TMEM266: variants seen among roughly 807,000 people sequenced by gnomAD.
TMEM266 encodes Hv1 related protein 1.
Under a neutral mutation model 50.5 loss-of-function variants are expected in TMEM266, and 33 were observed. The observed-to-expected ratio is 0.65, with a 90% CI of 0.50 to 0.87. The LOEUF (loss-of-function observed/expected upper bound fraction) is 0.87. Among genes scored for constraint, TMEM266 ranks in the 40% least tolerant of loss-of-function variants. The probability of loss-of-function intolerance (pLI) is 0.00; values close to 1 mark genes in which losing one functional copy is unlikely to be tolerated. For missense variants in TMEM266, 655 were observed against 695.1 expected (o/e 0.94, Z 0.65); for synonymous variants, 310 against 292.3 (o/e 1.06, Z -0.62).
At chr15:76,080,778 G>A (rs777296170) in intron 1 of TMEM266, among the ~76,000 whole-genome samples, 5 of 151,722 alleles carry the variant, frequency 3.3e-5, no homozygotes, top group African/African-American at 9.7e-5. Context: ...AGACTGTCTC[G>A]CTCTGCCACC....
At chr15:76,064,707 C>G (rs1195945095) in intron 1 of TMEM266, among the ~76,000 whole-genome samples, 1 of 152,198 alleles carries the variant, frequency 6.6e-6, no homozygotes, top group African/African-American at 2.4e-5. Context: ...GTAGCTAGGA[C>G]AGAGGCTGAT....
At position 76,115,741 on chromosome 15, in the gene TMEM266, C is replaced by T. The variant is rs7169517; in HGVS notation, c.-96-18427C>T. Reference sequence around the variant, plus strand: ...GTAGGAAGTCCTTAACTAGACAGGGCGCTTTTCGTATTTGTGGCCATCCTG... The same window carrying T: ...GTAGGAAGTCCTTAACTAGACAGGGTGCTTTTCGTATTTGTGGCCATCCTG... On this transcript the variant is annotated intron_variant, in intron 1 of 10. Coordinates refer to ENST00000388942, the MANE Select transcript of TMEM266 (RefSeq NM_152335.3). Among the ~76,000 whole-genome samples, 749 of 152,192 alleles carry T rather than the reference C, an allele frequency of 4.9e-3. 7 individuals are homozygous for T. The highest frequency in any genetic ancestry group is 0.017 in the African/African-American group (702 of 41,476).
At chr15:76,108,411 A>G (rs963663436) in intron 1 of TMEM266, among the ~76,000 whole-genome samples, 11 of 152,216 alleles carry the variant, frequency 7.2e-5, no homozygotes, top group African/African-American at 2.7e-4. Context: ...GAATTTAAAG[A>G]TCATTCATCC....
At chr15:76,072,188 C>T (rs906369833) in intron 1 of TMEM266, among the ~76,000 whole-genome samples, 2 of 151,976 alleles carry the variant, frequency 1.3e-5, no homozygotes, top group African/African-American at 4.8e-5. Flanking sequence ...CCTGTAATCC[C>T]AGCACTTTGG....
At chr15:76,163,180 C>T (rs768570336) in intron 5 of TMEM266, among the ~76,000 whole-genome samples, 6 of 152,184 alleles carry the variant, frequency 3.9e-5, no homozygotes, top group Admixed American at 2.0e-4. Context: ...GGTGGGTGAG[C>T]GGGCCTCTGC....
chr15:76,129,242 G>A (rs541087629), intron 1 of TMEM266, among the ~76,000 whole-genome samples: 1 of 152,098 alleles, frequency 6.6e-6, no homozygotes, highest in African/African-American at 2.4e-5. Context: ...TGAAGTTATG[G>A]CACCACCTAT....
intron 1 of TMEM266, chr15:76,108,997 T>TA (rs1161834152): frequency 6.6e-6 from 1 of 152,234 alleles, no homozygotes; most frequent in African/African-American, 2.4e-5. Flanking sequence ...GGCTGTATCT[T>TA]ACTCTCCTGT....
intron 8 of TMEM266, among the ~76,000 whole-genome samples, chr15:76,189,576 C>G (rs546240941): frequency 1.3e-5 from 2 of 152,016 alleles, no homozygotes; most frequent in Non-Finnish European, 2.9e-5. Flanking sequence ...CCCCTCGGAA[C>G]CCCTGAGAGT....
At chr15:76,203,012 C>A (rs1360170736) in intron 10 of TMEM266, among the ~76,000 whole-genome samples, 1 of 151,832 alleles carries the variant, frequency 6.6e-6, no homozygotes, top group East Asian at 1.9e-4. Flanking sequence ...CCAGCCCAGA[C>A]CTCTCTCCCA....
chr15:76,150,666 C>T (rs1377249250), intron 3 of TMEM266, among the ~76,000 whole-genome samples: 1 of 152,160 alleles, frequency 6.6e-6, no homozygotes, highest in African/African-American at 2.4e-5. Context: ...TGGGAGAGGC[C>T]AGGCCCCACA....
At chr15:76,192,454 G>A (rs1390966384) in intron 9 of TMEM266, among the ~76,000 whole-genome samples, 1 of 152,168 alleles carries the variant, frequency 6.6e-6, no homozygotes, top group Non-Finnish European at 1.5e-5. Context: ...CGCGGTAGCC[G>A]GAGGAGGAGG....
intron 5 of TMEM266, among the ~76,000 whole-genome samples, chr15:76,166,938 G>C (rs577263977): frequency 6.6e-6 from 1 of 152,286 alleles, no homozygotes; most frequent in East Asian, 1.9e-4. Context: ...GGTGTGTTTT[G>C]TGTTATGTGT....
intron 9 of TMEM266, among the ~76,000 whole-genome samples, chr15:76,193,285 A>G (rs1380096047): frequency 1.3e-5 from 2 of 152,146 alleles, no homozygotes; most frequent in African/African-American, 4.8e-5. Flanking sequence ...CAGTGGTATC[A>G]TAATAGTTCA....
At chr15:76,185,096 G>A (rs1412046969) in intron 8 of TMEM266, among the ~76,000 whole-genome samples, 1 of 151,946 alleles carries the variant, frequency 6.6e-6, no homozygotes, top group Non-Finnish European at 1.5e-5. Context: ...GCTTCTGTGT[G>A]GATTTCTGTG....
rs537246877 is a variant in TMEM266 at position 76,108,653 on chromosome 15, G to C, written c.-96-25515G>C. ...AAGAGCCTGGTCCATTGAACTGGGG[G>C]CCTGTGCACCTGGGAACCAAGAGAA... On this transcript the variant is annotated intron_variant, in intron 1 of 10. Transcript: ENST00000388942. Among the ~76,000 whole-genome samples, 4 of 152,288 alleles carry C rather than the reference G, an allele frequency of 2.6e-5. No individual in the cohort carries two copies. In the South Asian group the frequency reaches 8.3e-4, roughly 32 times the overall value.
chr15:76,159,557 A>G (rs539192297), intron 4 of TMEM266, among the ~76,000 whole-genome samples: 141 of 152,254 alleles, frequency 9.3e-4, no homozygotes, highest in African/African-American at 3.0e-3. Context: ...TCCTCACTGC[A>G]GCCTTCTCTC....
intron 1 of TMEM266, among the ~76,000 whole-genome samples, chr15:76,070,683 T>C (rs1257668269): frequency 6.6e-6 from 1 of 152,222 alleles, no homozygotes; most frequent in African/African-American, 2.4e-5. Context: ...TTTCCATTCT[T>C]ATTAAGGATT....
chr15:76,079,818 T>G (rs2141989999), intron 1 of TMEM266, among the ~76,000 whole-genome samples: 1 of 138,288 alleles, frequency 7.2e-6, no homozygotes, highest in African/African-American at 2.7e-5. Context: ...TAGGTAGATA[T>G]GATTTAGGGC....
In TMEM266 at chr15:76,192,000, G is replaced by T. The variant is rs929903748; in HGVS notation, c.801G>T (p.Ala267=). ...TCCGGCAGCTGCGCGCGCACCTGGCGCAGCAGGACCTGGACCTGGCTGCCG... is the reference window on the plus strand; with the variant it reads ...TCCGGCAGCTGCGCGCGCACCTGGCTCAGCAGGACCTGGACCTGGCTGCCG... The part of the protein sequence containing the change: ...HLAQQDLDLA[A]EREAALQAPH... Residue 267 remains alanine, a synonymous_variant, in exon 9 of 11, where the codon GCG becomes GCT. Transcript: ENST00000388942. The T allele has an allele frequency of 3.8e-6, 6 of 1,583,540 alleles. No homozygotes were observed. In the South Asian group the frequency reaches 6.7e-5, roughly 18 times the overall value.
Sources: gnomAD v4.1 joint callset for allele counts (sites outside exome capture counted in the v4.1 genomes callset) on GRCh38, gnomAD v4.1.1 for gene constraint, MANE v1.5 for transcripts, NCBI Gene and HGNC (gene_info 2026-07-23, HGNC 2026-07-21) for gene names.